The following TM6SF1 variants were observed in gnomAD, a reference collection of about 807,000 sequenced individuals.
The protein encoded by TM6SF1 is transmembrane 6 superfamily member 1.
TM6SF1 carries 43 observed loss-of-function variants against 47.1 expected under a neutral mutation model. That is an observed-to-expected ratio of 0.91 (90% CI 0.72 to 1.18). The LOEUF is 1.18. Among genes scored for constraint, TM6SF1 ranks in the 50% most tolerant of loss-of-function variants. TM6SF1 has a pLI of 0.00. For missense variants in TM6SF1, 390 were observed against 449.0 expected (o/e 0.87, Z 1.19); for synonymous variants, 177 against 166.3 (o/e 1.06, Z -0.49).
At chr15:83,116,654 G>T (rs1390832529) in intron 3 of TM6SF1, among the ~76,000 whole-genome samples, 1 of 152,226 alleles carries the variant, frequency 6.6e-6, no homozygotes, top group East Asian at 1.9e-4. Flanking sequence ...TTGCAGGGAA[G>T]GGTCCGTGCC....
At position 83,122,820 on chromosome 15, in the gene TM6SF1, T is replaced by C. The variant is rs751154768; in HGVS notation, c.545T>C (p.Val182Ala). ...FLSIPYTCLP[V>A]WAGFRIYNQP... ...AGCATACCATATACTTGTCTTCCTG[T>C]CTGGGCTGGTTTCAGAATCTATAAT... Residue 182 changes from valine to alanine, a missense_variant, in exon 6 of 10, where the codon GTC (valine) becomes GCC (alanine). Transcript: ENST00000322019. The C allele has an allele frequency of 6.2e-7, 1 of 1,614,126 alleles. No homozygotes were observed. Among genetic ancestry groups the C allele is most frequent in the South Asian group, 1.1e-5 (1 of 91,074 alleles).
chr15:83,122,756 G>A lies in TM6SF1; in HGVS notation c.482-1G>A. On this transcript the variant is annotated splice_acceptor_variant, in intron 5 of 9. Coordinates refer to ENST00000322019, the MANE Select transcript of TM6SF1 (RefSeq NM_023003.5). LOFTEE classifies it high-confidence loss of function. ...TCTTTCTCTTTCTCTCTTTTAAATA[G>A]GGAAGTATGGAACACGAATTTGCCC... is the stretch of plus-strand genomic sequence containing the variant. 1 of 1,613,130 alleles carries A rather than the reference G, an allele frequency of 6.2e-7. No individual in the cohort carries two copies. Among genetic ancestry groups the A allele is most frequent in the African/African-American group, 1.3e-5 (1 of 74,944 alleles).
At position 83,127,669 on chromosome 15, in the gene TM6SF1, G is replaced by A. The variant is rs1324691779; in HGVS notation, c.921+192G>A. ...TCAATCTCACAATAACTATATGGTAGATGTGCCATCCAGTTACACAGATGA... is the reference window on the plus strand; with the variant it reads ...TCAATCTCACAATAACTATATGGTAAATGTGCCATCCAGTTACACAGATGA... On this transcript the variant is annotated intron_variant, in intron 9 of 9. Coordinates refer to ENST00000322019, the MANE Select transcript of TM6SF1 (RefSeq NM_023003.5). 4 of 538,374 alleles carry A rather than the reference G, an allele frequency of 7.4e-6. No individual in the cohort carries two copies. In the East Asian group the frequency reaches 1.1e-4, roughly 15 times the overall value. The allele number at this position is 538,374 out of a possible 1,614,324, so 33.3% of individuals were successfully genotyped here. A position where few individuals can be genotyped will look rare whatever the true frequency, so the allele number is the denominator to read the frequency against.
At chr15:83,112,961 A>G (rs1458221398) in intron 2 of TM6SF1, 61 bp downstream of exon 2, 5 of 1,332,662 alleles carry the variant, frequency 3.8e-6, no homozygotes, top group Non-Finnish European at 5.4e-6. Context: ...TTTCAGCCTC[A>G]GTCACATATT....
chr15:83,133,088 T>TG (rs1388334828), intron 9 of TM6SF1: 28 of 152,190 alleles, frequency 1.8e-4, no homozygotes, highest in Admixed American at 1.1e-3. Flanking sequence ...CATAACAACC[T>TG]ATGAGGTGGG....
intron 9 of TM6SF1, chr15:83,131,073 CAGAG>C (rs1489957545): frequency 3.3e-5 from 5 of 152,102 alleles, no homozygotes; most frequent in Non-Finnish European, 7.3e-5. Context: ...GCCCAGGTGA[CAGAG>C]AGAGACCCTG....
intron 3 of TM6SF1, among the ~76,000 whole-genome samples, chr15:83,116,659 C>T (rs1021284596): frequency 6.6e-6 from 1 of 152,146 alleles, no homozygotes; most frequent in African/African-American, 2.4e-5. Flanking sequence ...GGGAAGGGTC[C>T]GTGCCATGAG....
intron 5 of TM6SF1, 121 bp from the exon 6 acceptor site, chr15:83,122,636 T>C: frequency 9.6e-7 from 1 of 1,046,216 alleles, no homozygotes; most frequent in African/African-American, 1.6e-5. Flanking sequence ...TTTGGCCTCA[T>C]TAAAAATATT....
chr15:83,120,020 T>C (rs1276202625), intron 4 of TM6SF1: 1 of 242,952 alleles, frequency 4.1e-6, no homozygotes, highest in Non-Finnish European at 8.2e-6. Flanking sequence ...GCAATCTCAT[T>C]TCGGTTCAAA....
intron 8 of TM6SF1, 111 bp downstream of exon 8, chr15:83,126,958 C>T (rs1041168528): frequency 3.8e-6 from 3 of 785,874 alleles, no homozygotes; most frequent in Non-Finnish European, 6.1e-6. Flanking sequence ...TTTGGGAGGC[C>T]GAGGCAGGTT....
intron 2 of TM6SF1, chr15:83,113,780 T>C (rs2034408558): frequency 6.6e-6 from 1 of 152,398 alleles, no homozygotes; most frequent in Admixed American, 6.5e-5. Flanking sequence ...ACAGTGGGGC[T>C]AGAAGGAAGA....
chr15:83,112,562 G>A (rs987845968), intron 1 of TM6SF1, among the ~76,000 whole-genome samples: 1 of 152,156 alleles, frequency 6.6e-6, no homozygotes, highest in African/African-American at 2.4e-5. Context: ...AGGATAAGAG[G>A]AGAATGAGGA....
At chr15:83,117,308 G>T (rs1402212086) in intron 3 of TM6SF1, among the ~76,000 whole-genome samples, 1 of 152,172 alleles carries the variant, frequency 6.6e-6, no homozygotes, top group Non-Finnish European at 1.5e-5. Context: ...AGTTTCAGAT[G>T]CTGGCAGGGC....
At chr15:83,118,159 G>T (rs768766412) in intron 3 of TM6SF1, among the ~76,000 whole-genome samples, 36 of 152,048 alleles carry the variant, frequency 2.4e-4, no homozygotes, top group Non-Finnish European at 4.9e-4. Flanking sequence ...GCCAGGAGTT[G>T]AGACTGCAGT....
rs1289808637 is a variant in TM6SF1 at position 83,137,358 on chromosome 15, T to A, written c.*686T>A. 6.6e-6 allele frequency: 1 copy of A among 152,144 alleles called. No homozygotes were observed. The highest frequency in any genetic ancestry group is 2.4e-5 in the African/African-American group (1 of 41,456). 9.4% of individuals were successfully genotyped at this position (152,144 alleles called of 1,614,324 possible). A position where few individuals can be genotyped will look rare whatever the true frequency, so the allele number is the denominator to read the frequency against. On this transcript the variant is annotated 3_prime_UTR_variant, in exon 10 of 10. Coordinates refer to ENST00000322019, the MANE Select transcript of TM6SF1 (RefSeq NM_023003.5). ...TTTAATAAAATTATTTTTGGCCTCT[T>A]ATAAAGACAAATCTTATTAAATTTG...
rs80329914 is a variant in TM6SF1, at chr15:83,112,846, C to T, written c.142C>T (p.Leu48=). The change falls in exon 2 of 10, where the codon CTG becomes TTG. Residue 48 remains leucine, a synonymous_variant. Coordinates refer to ENST00000322019, the MANE Select transcript of TM6SF1 (RefSeq NM_023003.5). ...TGCCCTCATCCTGTTCCTGGTAGCA[C>T]TGCTGGCTCGTGTCCTCGTCAAAAG... ...VAALILFLVA[L]LARVLVKRKP... 94,832 of 1,613,686 alleles carry T rather than the reference C, an allele frequency of 0.059. 3,212 individuals carry two copies. Among genetic ancestry groups the T allele is most frequent in the Non-Finnish European group, 0.068 (80,756 of 1,179,578 alleles).
In TM6SF1 at chr15:83,136,582, A is replaced by T. The variant is rs1236833398; in HGVS notation, c.1023A>T (p.Ala341=). The part of the protein sequence containing the change: ...AKILFLALNI[A]YGVLPQLLAY... ...TCCTTTTTTTAGCATTAAACATAGC[A>T]TATGGAGTTCTTCCTCAGCTCTTGG... Residue 341 remains alanine, a synonymous_variant, in exon 10 of 10, where the codon GCA becomes GCT. Coordinates refer to ENST00000322019, the MANE Select transcript of TM6SF1 (RefSeq NM_023003.5). 2 of 1,613,826 alleles carry T rather than the reference A, an allele frequency of 1.2e-6. No homozygotes were observed. Among genetic ancestry groups the T allele is most frequent in the Middle Eastern group, 1.6e-4 (1 of 6,082 alleles).
At chr15:83,122,974 G>A (rs915958124) in intron 6 of TM6SF1, 96 bp downstream of exon 6, 5 of 1,406,420 alleles carry the variant, frequency 3.6e-6, no homozygotes, top group Admixed American at 2.1e-5. Flanking sequence ...CTGTGGACTG[G>A]AGCATTTGGG....
At chr15:83,128,510 TTGGGGTTTA>T (rs1347473696) in intron 9 of TM6SF1, 2 of 152,238 alleles carry the variant, frequency 1.3e-5, no homozygotes, top group Non-Finnish European at 2.9e-5. Flanking sequence ...TCCTCAGTCC[TTGGGGTTTA>T]TTTCTGTATT....
Sources: gnomAD v4.1 joint callset for allele counts (sites outside exome capture counted in the v4.1 genomes callset) on GRCh38, gnomAD v4.1.1 for gene constraint, MANE v1.5 for transcripts, NCBI Gene and HGNC (gene_info 2026-07-23, HGNC 2026-07-21) for gene names.